P2RX7: variants seen among roughly 807,000 people sequenced by gnomAD.
P2RX7 encodes the protein P2X purinoceptor 7.
In P2RX7, 62 loss-of-function variants were observed where a neutral mutation model predicts 71.6. The observed-to-expected ratio is 0.87, with a 90% confidence interval of 0.71 to 1.07. The LOEUF is 1.07. Among genes scored for constraint, P2RX7 ranks in the 50% least tolerant of loss-of-function variants. The probability of loss-of-function intolerance (pLI) is 0.00; values close to 1 mark genes in which losing one functional copy is unlikely to be tolerated. For synonymous variants in P2RX7, 299 were observed against 283.3 expected (o/e 1.06, Z -0.56); for missense variants, 686 against 748.5 (o/e 0.92, Z 0.97).
chr12:121,163,008 C>G (rs34572498), intron 5 of P2RX7, among the ~76,000 whole-genome samples: 2,764 of 152,174 alleles, frequency 0.018, 30 homozygotes, highest in East Asian at 0.053. Context: ...AGATTAAATG[C>G]TTACAATGAC....
chr12:121,182,396 G>T (rs1884286918), intron 12 of P2RX7, among the ~76,000 whole-genome samples: 1 of 152,140 alleles, frequency 6.6e-6, no homozygotes. Flanking sequence ...ATCAGTAGCT[G>T]ATTCTGTGGT....
At chr12:121,133,255 C>A (rs1337097142) in intron 1 of P2RX7, among the ~76,000 whole-genome samples, 160 bp downstream of exon 1, 1 of 152,190 alleles carries the variant, frequency 6.6e-6, no homozygotes, top group African/African-American at 2.4e-5. Flanking sequence ...CAGCAGCAGG[C>A]AAGAGGAAAC....
intron 5 of P2RX7, among the ~76,000 whole-genome samples, chr12:121,162,827 T>C (rs1305221634): frequency 6.6e-6 from 1 of 151,968 alleles, no homozygotes; most frequent in Non-Finnish European, 1.5e-5. Context: ...GACCCCCTCC[T>C]GTAGTGCCAC....
At chr12:121,148,889 G>A in intron 1 of P2RX7, 1 of 344,626 alleles carries the variant, frequency 2.9e-6, no homozygotes, top group South Asian at 2.4e-5. Context: ...TGGCGCTACT[G>A]TTCTTTAGGG....
At chr12:121,167,191 T>C (rs1665373200) in intron 7 of P2RX7, among the ~76,000 whole-genome samples, 1 of 151,624 alleles carries the variant, frequency 6.6e-6, no homozygotes. Context: ...TGATCTTTAA[T>C]GGGGGCGTGG....
intron 8 of P2RX7, among the ~76,000 whole-genome samples, chr12:121,169,648 G>A (rs763066933): frequency 1.1e-4 from 17 of 152,186 alleles, no homozygotes; most frequent in Admixed American, 9.8e-4. Flanking sequence ...GCTTATGCCT[G>A]TAATCCCAGC....
At chr12:121,163,022 C>T (rs1224215353) in intron 5 of P2RX7, among the ~76,000 whole-genome samples, 1 of 152,094 alleles carries the variant, frequency 6.6e-6, no homozygotes. Context: ...CAATGACATA[C>T]AGATTTGGTG....
intron 1 of P2RX7, among the ~76,000 whole-genome samples, chr12:121,140,091 C>G (rs961564664): frequency 2.6e-5 from 4 of 152,196 alleles, no homozygotes; most frequent in African/African-American, 9.7e-5. Context: ...TCATCCCACC[C>G]TTGACACCTG....
chr12:121,170,964 C>T (rs538868421), intron 8 of P2RX7, among the ~76,000 whole-genome samples: 116 of 152,014 alleles, frequency 7.6e-4, no homozygotes, highest in Non-Finnish European at 1.4e-3. Flanking sequence ...TAGAAAATGA[C>T]CTGTGGCGAA....
intron 8 of P2RX7, among the ~76,000 whole-genome samples, chr12:121,170,538 G>A (rs796968241): frequency 7.2e-5 from 11 of 152,314 alleles, no homozygotes; most frequent in African/African-American, 2.4e-4. Flanking sequence ...ACTTTGGGAG[G>A]CCGAAGCAGG....
chr12:121,162,316 T>A, intron 4 of P2RX7, 108 bp from the exon 5 acceptor site: 2 of 1,492,148 alleles, frequency 1.3e-6, no homozygotes, highest in Non-Finnish European at 8.9e-7. Context: ...GAAAGCCTGG[T>A]CAAAGCCTAG....
intron 1 of P2RX7, among the ~76,000 whole-genome samples, chr12:121,142,644 G>A (rs546782794): frequency 1.3e-5 from 2 of 152,158 alleles, no homozygotes; most frequent in South Asian, 2.1e-4. Flanking sequence ...GCCCAGCCAA[G>A]GCCAGCATCT....
chr12:121,166,153 A>G lies in P2RX7; in HGVS notation c.710A>G (p.Glu237Gly). The change falls in exon 7 of 13, where the codon GAA becomes GGA. Residue 237 changes from glutamate to glycine, a missense_variant. Physicochemically the swap from Glu to Gly is moderately conservative, Grantham distance 98. Transcript: ENST00000328963. ...PIFRLGDIFR[E>G]TGDNFSDVAI... is the part of the protein sequence containing the mutation. Reference sequence around the variant, plus strand: ...TTCCGACTAGGAGACATCTTCCGAGAAACAGGCGATAATTTTTCAGATGTG... The same window carrying G: ...TTCCGACTAGGAGACATCTTCCGAGGAACAGGCGATAATTTTTCAGATGTG... The G allele has an allele frequency of 1.9e-6, 3 of 1,613,970 alleles. No homozygotes were observed. The highest frequency in any genetic ancestry group is 1.7e-6 in the Non-Finnish European group (2 of 1,179,868).
At chr12:121,133,428 G>A (rs760918583) in intron 1 of P2RX7, among the ~76,000 whole-genome samples, 63 of 152,244 alleles carry the variant, frequency 4.1e-4, no homozygotes, top group Admixed American at 5.2e-4. Flanking sequence ...CTCAGGGCAC[G>A]CCTGGTGATC....
chr12:121,159,662 C>G (rs1313549463), intron 3 of P2RX7, among the ~76,000 whole-genome samples: 1 of 152,158 alleles, frequency 6.6e-6, no homozygotes, highest in Non-Finnish European at 1.5e-5. Flanking sequence ...GGCCATGAAG[C>G]CTGCTCCCTA....
At position 121,177,353 on chromosome 12, in the gene P2RX7, C is replaced by G; in HGVS notation, c.1095C>G (p.Ser365=). 2 of 1,613,974 alleles carry G rather than the reference C, an allele frequency of 1.2e-6. No individual in the cohort carries two copies. The highest frequency in any genetic ancestry group is 1.7e-6 in the Non-Finnish European group (2 of 1,179,976). The change falls in exon 11 of 13, where the codon TCC becomes TCG. Residue 365 remains serine (S), a synonymous_variant. Transcript: ENST00000328963. ...CTTACTCCAGTAACTGCTGTCGCTCCCATATTTATCCCTGGTGCAAGTGCT... is the reference window on the plus strand; with the variant it reads ...CTTACTCCAGTAACTGCTGTCGCTCGCATATTTATCCCTGGTGCAAGTGCT... The part of the protein sequence containing the change: ...IDTYSSNCCR[S]HIYPWCKCCQ...
chr12:121,133,915 G>T (rs1332885451), intron 1 of P2RX7, among the ~76,000 whole-genome samples: 8 of 151,958 alleles, frequency 5.3e-5, no homozygotes, highest in African/African-American at 1.5e-4. Flanking sequence ...AAAGAGACGG[G>T]GTCTCACTAT....
Position 121,177,420 on chromosome 12 carries a change from T to G in P2RX7, c.1162T>G (p.Cys388Gly), listed in dbSNP as rs201966161. The change falls in exon 11 of 13, where the codon TGC becomes GGC. Residue 388 changes from cysteine (C) to glycine (G), a missense_variant. Coordinates refer to ENST00000328963, the MANE Select transcript of P2RX7 (RefSeq NM_002562.6). ...VVNEYYYRKK[C>G]ESIVEPKPTL... Reference sequence around the variant, plus strand: ...CAACGAATACTACTACAGGAAGAAGTGCGAGTCCATTGTGGAGCCAAAGCC... The same window carrying G: ...CAACGAATACTACTACAGGAAGAAGGGCGAGTCCATTGTGGAGCCAAAGCC... 7.9e-5 allele frequency: 128 copies of G among 1,613,372 alleles called. No homozygotes were observed. The highest frequency in any genetic ancestry group is 1.1e-4 in the Non-Finnish European group (126 of 1,180,036).
chr12:121,138,211 T>G (rs1205714574), intron 1 of P2RX7, among the ~76,000 whole-genome samples: 3 of 152,226 alleles, frequency 2.0e-5, no homozygotes, highest in Non-Finnish European at 4.4e-5. Flanking sequence ...TGGATGAAGA[T>G]AAGAGTTCAA....
Sources: gnomAD v4.1 joint callset for allele counts (sites outside exome capture counted in the v4.1 genomes callset) on GRCh38, gnomAD v4.1.1 for gene constraint, MANE v1.5 for transcripts, NCBI Gene and HGNC (gene_info 2026-07-23, HGNC 2026-07-21) for gene names.